DHX36: variants seen among roughly 807,000 people sequenced by gnomAD.
DHX36 encodes the protein DEAH-box helicase 36, also known as ATP-dependent DNA/RNA helicase DHX36.
Under a neutral mutation model 139.0 loss-of-function variants are expected in DHX36, and 50 were observed. The observed-to-expected ratio is 0.36, with a 90% CI of 0.29 to 0.46. The LOEUF (loss-of-function observed/expected upper bound fraction) is 0.46. DHX36 is among the 20% of genes least tolerant of loss of function. DHX36 has a pLI of 1.00. For missense variants in DHX36, 1,024 were observed against 1,211.3 expected, an observed-to-expected ratio of 0.85 and a Z score of 2.29; for synonymous variants, 425 against 401.9, an observed-to-expected ratio of 1.06 and a Z score of -0.69.
At chr3:154,286,754 T>A (rs1314508471) in intron 17 of DHX36, among the ~76,000 whole-genome samples, 1 of 150,464 alleles carries the variant, frequency 6.6e-6, no homozygotes, top group Non-Finnish European at 1.5e-5. Context: ...GATTCTCAAA[T>A]GTATTTGGAA....
intron 24 of DHX36, 146 bp from the exon 25 acceptor site, chr3:154,276,502 T>C (rs990602243): frequency 4.2e-5 from 35 of 825,880 alleles, no homozygotes; most frequent in Middle Eastern, 3.6e-4. Context: ...AACTAAAGTG[T>C]GGTTATGAGT....
At chr3:154,292,181 A>G (rs1253506247) in intron 15 of DHX36, among the ~76,000 whole-genome samples, 1 of 152,244 alleles carries the variant, frequency 6.6e-6, no homozygotes, top group East Asian at 1.9e-4. Flanking sequence ...ATAGTACTGT[A>G]GTGAGGATTA....
chr3:154,291,133 TCAAAAA>T (rs1331672518), intron 15 of DHX36, among the ~76,000 whole-genome samples: 1 of 3,956 alleles, frequency 2.5e-4, no homozygotes, highest in African/African-American at 1.1e-3. Context: ...AGACTCCGTC[TCAAAAA>T]AAAAAAAAAA....
In DHX36 at chr3:154,280,579, A is replaced by G. The variant is rs199890757; in HGVS notation, c.2567T>C (p.Met856Thr). 2 of 1,596,540 alleles carry G rather than the reference A, an allele frequency of 1.3e-6. No homozygotes were observed. The highest frequency in any genetic ancestry group is 2.7e-5 in the African/African-American group (2 of 74,494). ...IRLNLGKKRKMVKVYTKTDGL... is the reference protein window; with the variant it reads ...IRLNLGKKRKTVKVYTKTDGL... ...ATTAATAATAATCTTCAATGCTTAC[A>G]TTTTTCTTTTTTTACCCAAATTTAG... The change falls in exon 22 of 25, where the codon ATG (methionine) becomes ACG (threonine). Residue 856 changes from methionine to threonine, a missense_variant and splice_region_variant. Transcript: ENST00000496811.
At chr3:154,297,904 GA>G in intron 12 of DHX36, among the ~76,000 whole-genome samples, 1 of 151,828 alleles carries the variant, frequency 6.6e-6, no homozygotes, top group East Asian at 1.9e-4. Context: ...CTTATGAAAA[GA>G]AAAAAACAAG....
rs757895979 is a variant in DHX36 at position 154,295,354 on chromosome 3, G to C, written c.1550-15C>G. 2.2e-5 allele frequency: 31 copies of C among 1,393,200 alleles called. No homozygotes were observed. The highest frequency in any genetic ancestry group is 2.9e-5 in the Non-Finnish European group (29 of 1,014,198). The allele number at this position is 1,393,200 out of a possible 1,614,324, so 86.3% of individuals were successfully genotyped here. On this transcript the variant is annotated splice_polypyrimidine_tract_variant and intron_variant, in intron 12 of 24. Coordinates refer to ENST00000496811, the MANE Select transcript of DHX36 (RefSeq NM_020865.3). The stretch of plus-strand genomic sequence containing the variant: ...TAAAAATTTATCTGAAAATTAAAGA[G>C]AATTAAATTTTAAGATAAAGAGTTG...
chr3:154,288,728 A>G (rs965611957), intron 17 of DHX36, 138 bp downstream of exon 17: 1 of 429,318 alleles, frequency 2.3e-6, no homozygotes, highest in African/African-American at 2.0e-5. Context: ...TTCTAAATTG[A>G]TAGTCAAATA....
rs575761810 is a variant in DHX36 at position 154,289,667 on chromosome 3, G to T, written c.1932+42C>A. The T allele has an allele frequency of 2.6e-4, 296 of 1,117,678 alleles. 4 individuals carry two copies. In the South Asian group the frequency reaches 3.6e-3, roughly 14 times the overall value. The allele number at this position is 1,117,678 out of a possible 1,614,324, so 69.2% of individuals were successfully genotyped here. Reference sequence around the variant, plus strand: ...GTTCTACAAAAGATGTTGAAAATGAGATCACTTCCATTTAGTTTCTTCATT... The same window carrying T: ...GTTCTACAAAAGATGTTGAAAATGATATCACTTCCATTTAGTTTCTTCATT... On this transcript the variant is annotated intron_variant, in intron 16 of 24. Transcript: ENST00000496811.
At chr3:154,287,492 G>A (rs1559947404) in intron 17 of DHX36, among the ~76,000 whole-genome samples, 5 of 151,504 alleles carry the variant, frequency 3.3e-5, no homozygotes, top group Admixed American at 6.6e-5. Context: ...CCATCTCTAC[G>A]AAAAATACAA....
chr3:154,278,476 A>AGTTTT (rs917480385), intron 22 of DHX36: 2 of 149,992 alleles, frequency 1.3e-5, no homozygotes, highest in African/African-American at 5.0e-5. Context: ...TCTCTTTCGA[A>AGTTTT]GTTTTTTTTT....
chr3:154,289,533 A>G (rs983931717), intron 16 of DHX36, among the ~76,000 whole-genome samples, 176 bp downstream of exon 16: 10 of 152,218 alleles, frequency 6.6e-5, no homozygotes, highest in African/African-American at 2.4e-4. Flanking sequence ...ATATAATTTA[A>G]AAGTGTTGAA....
At chr3:154,321,685 GC>G (rs1357698907) in intron 1 of DHX36, among the ~76,000 whole-genome samples, 1 of 152,120 alleles carries the variant, frequency 6.6e-6, no homozygotes, top group Non-Finnish European at 1.5e-5. Flanking sequence ...TCAGCCAGGC[GC>G]CATGGCTCAC....
Position 154,283,237 on chromosome 3 carries a change from T to C in DHX36, c.2327A>G (p.Tyr776Cys), listed in dbSNP as rs1719383973. The C allele has an allele frequency of 6.2e-7, 1 of 1,613,916 alleles. No individual in the cohort carries two copies. Among genetic ancestry groups the C allele is most frequent in the Non-Finnish European group, 8.5e-7 (1 of 1,179,828 alleles). ...ATATTCCCAGCAATAGTCCTTTTCG[T>C]ATCTGAAACCACGTCGCCTAGCCTC... The part of the protein sequence containing the change: ...WEEARRRGFR[Y>C]EKDYCWEYFL... The change falls in exon 20 of 25, where the codon TAC (tyrosine) becomes TGC (cysteine). Residue 776 changes from tyrosine to cysteine, a missense_variant. This residue lies in a region of DHX36 where 470 missense variants were observed against 616.2 expected (regional missense o/e 0.76). Transcript: ENST00000496811.
At chr3:154,310,342 G>A (rs1038236223) in intron 4 of DHX36, among the ~76,000 whole-genome samples, 2 of 151,660 alleles carry the variant, frequency 1.3e-5, no homozygotes, top group East Asian at 3.9e-4. Flanking sequence ...CTCATATTTG[G>A]GTTTCATTCT....
chr3:154,316,965 C>A (rs955658819), intron 1 of DHX36, among the ~76,000 whole-genome samples: 2 of 151,866 alleles, frequency 1.3e-5, no homozygotes, highest in Non-Finnish European at 2.9e-5. Flanking sequence ...AGGAAACACA[C>A]GCGGAGTGGT....
At chr3:154,323,042 A>G (rs1267648745) in intron 1 of DHX36, among the ~76,000 whole-genome samples, 4 of 152,234 alleles carry the variant, frequency 2.6e-5, no homozygotes, top group Non-Finnish European at 5.9e-5. Context: ...CGGTTTAAAA[A>G]TAGTAGTCTA....
intron 1 of DHX36, 57 bp from the exon 2 acceptor site, chr3:154,316,220 T>A: frequency 3.7e-6 from 6 of 1,601,212 alleles, no homozygotes; most frequent in Non-Finnish European, 5.1e-6. Flanking sequence ...TATGCAAAAA[T>A]TATTTGATAC....
chr3:154,287,429 C>T (rs759849612), intron 17 of DHX36, among the ~76,000 whole-genome samples: 1 of 151,976 alleles, frequency 6.6e-6, no homozygotes, highest in Non-Finnish European at 1.5e-5. Context: ...CTGAGGTGTG[C>T]GGATCACTTG....
chr3:154,295,266 T>A lies in DHX36; in HGVS notation c.1605+18A>T, dbSNP rs374676887. On this transcript the variant is annotated intron_variant, in intron 13 of 24. Coordinates refer to ENST00000496811, the MANE Select transcript of DHX36 (RefSeq NM_020865.3). Reference sequence around the variant, plus strand: ...CTCAGTTTGAAATACATTTAACAAATGTATCCATTTAACATACCTGTGTCT... The same window carrying A: ...CTCAGTTTGAAATACATTTAACAAAAGTATCCATTTAACATACCTGTGTCT... The A allele has an allele frequency of 8.4e-5, 125 of 1,491,538 alleles. 1 individual carries two copies. The African/African-American group carries it at 1.7e-3, about 21-fold the overall frequency. 92.4% of individuals were successfully genotyped at this position (1,491,538 alleles called of 1,614,324 possible). A position where few individuals can be genotyped will look rare whatever the true frequency, so the allele number is the denominator to read the frequency against.
Sources: allele counts gnomAD v4.1 joint callset (sites outside exome capture counted in the v4.1 genomes callset), GRCh38; gene constraint gnomAD v4.1.1; regional missense constraint gnomAD v4.1.1; transcripts MANE v1.5; gene names NCBI Gene and HGNC (gene_info 2026-07-23, HGNC 2026-07-21).